Variants in ZFPM2 observed in about 807,000 individuals in gnomAD.
The protein encoded by ZFPM2 is zinc finger protein, FOG family member 2.
In ZFPM2, 20 loss-of-function variants were observed where a neutral mutation model predicts 98.6. The ratio of observed to expected loss-of-function variants is 0.20; its 90% CI spans 0.14 to 0.29. The LOEUF (loss-of-function observed/expected upper bound fraction) is 0.29. ZFPM2 is among the 10% of genes least tolerant of loss of function. ZFPM2 has a pLI of 1.00. For synonymous variants in ZFPM2, 518 were observed against 502.7 expected (o/e 1.03, Z -0.41); for missense variants, 1,310 against 1,388.6 (o/e 0.94, Z 0.90).
chr8:105,467,289 T>C (rs1812812545), intron 3 of ZFPM2, among the ~76,000 whole-genome samples: 1 of 152,098 alleles, frequency 6.6e-6, no homozygotes, highest in African/African-American at 2.4e-5. Context: ...AAGTACTTTA[T>C]GTCTCTGATC....
chr8:105,680,292 C>T (rs572718728), intron 5 of ZFPM2, among the ~76,000 whole-genome samples: 42 of 152,120 alleles, frequency 2.8e-4, no homozygotes, highest in Non-Finnish European at 4.9e-4. Context: ...ATTGAAAATG[C>T]CTACTACTGG....
intron 4 of ZFPM2, among the ~76,000 whole-genome samples, chr8:105,621,597 ATG>A (rs1388000411): frequency 2.6e-5 from 4 of 152,136 alleles, no homozygotes; most frequent in Admixed American, 6.6e-5. Context: ...GACCTCAAAT[ATG>A]TGTTGCACTT....
rs1467116502 is a variant in ZFPM2 at position 105,347,274 on chromosome 8, C to G, written c.40+28293C>G. Among the ~76,000 whole-genome samples, 6 of 152,098 alleles carry G rather than the reference C, an allele frequency of 3.9e-5. No individual in the cohort carries two copies. In the Middle Eastern group the frequency reaches 0.01, roughly 259 times the overall value. On this transcript the variant is annotated intron_variant, in intron 1 of 7. Transcript: ENST00000407775. ...CAATTTACTGATTGCAAATTAAAAG[C>G]CTATATGAAACATAAAACTTCCAGT... is the stretch of plus-strand genomic sequence containing the variant.
At chr8:105,743,217 G>A (rs1812262424) in intron 5 of ZFPM2, among the ~76,000 whole-genome samples, 1 of 152,012 alleles carries the variant, frequency 6.6e-6, no homozygotes. Flanking sequence ...GGGCATAGAG[G>A]AAGGTGAAGA....
At chr8:105,671,509 TTTC>T (rs1817594074) in intron 5 of ZFPM2, among the ~76,000 whole-genome samples, 2 of 150,948 alleles carry the variant, frequency 1.3e-5, no homozygotes, top group African/African-American at 4.9e-5. Flanking sequence ...AATTTTTAAT[TTTC>T]TTTACTGAAA....
rs1563661112 is a variant in ZFPM2 at position 105,443,321 on chromosome 8, AAAAAC to A, written c.200-954_200-950del. Among the ~76,000 whole-genome samples the A allele has an allele frequency of 1.0e-4, 15 of 147,874 alleles. 3 individuals are homozygous for A. Among genetic ancestry groups the A allele is most frequent in the African/African-American group, 3.1e-4 (12 of 38,744 alleles). ...GAGTAAGACTCCTTCTCAAAAAACA[AAAAAC>A]AAAAAAAAAAAAACTTGGCATTATT... On this transcript the variant is annotated intron_variant, in intron 2 of 7. Transcript: ENST00000407775.
At chr8:105,629,439 T>C (rs80282434) in intron 4 of ZFPM2, among the ~76,000 whole-genome samples, 9,317 of 152,304 alleles carry the variant, frequency 0.061, 307 homozygotes, top group Admixed American at 0.094. Context: ...AATTTAGTTA[T>C]TTTTGTTTTA....
At chr8:105,495,616 T>C (rs907477482) in intron 3 of ZFPM2, among the ~76,000 whole-genome samples, 29 of 152,330 alleles carry the variant, frequency 1.9e-4, no homozygotes, top group Admixed American at 1.9e-3. Context: ...TCTTCCTCCT[T>C]TTAAGGATAT....
At chr8:105,528,769 T>C (rs767823941) in intron 3 of ZFPM2, 1 of 152,140 alleles carries the variant, frequency 6.6e-6, no homozygotes, top group Admixed American at 6.5e-5. Context: ...TGTGGAAATA[T>C]AGGAAGAAGT....
At chr8:105,319,098 A>T in intron 1 of ZFPM2, 117 bp downstream of exon 1, 1 of 1,238,028 alleles carries the variant, frequency 8.1e-7, no homozygotes. Flanking sequence ...CCGGTCCCCT[A>T]GATGTCTCAA....
At chr8:105,609,511 T>C (rs1448244588) in intron 4 of ZFPM2, among the ~76,000 whole-genome samples, 1 of 152,202 alleles carries the variant, frequency 6.6e-6, no homozygotes, top group East Asian at 1.9e-4. Context: ...AATTGTATTA[T>C]ACAAGTTAGT....
chr8:105,514,494 G>A (rs1251895590), intron 3 of ZFPM2, among the ~76,000 whole-genome samples: 5 of 152,020 alleles, frequency 3.3e-5, no homozygotes, highest in Admixed American at 6.6e-5. Context: ...AGTATATTGC[G>A]ACTGAATGGA....
chr8:105,356,384 A>G (rs1812746785), intron 1 of ZFPM2, among the ~76,000 whole-genome samples: 1 of 152,244 alleles, frequency 6.6e-6, no homozygotes. Flanking sequence ...CTAATTAAAT[A>G]TTAATAAATG....
At chr8:105,351,666 G>A (rs936877954) in intron 1 of ZFPM2, among the ~76,000 whole-genome samples, 1 of 152,040 alleles carries the variant, frequency 6.6e-6, no homozygotes, top group African/African-American at 2.4e-5. Flanking sequence ...ACTAAATTTG[G>A]TTTACAGATA....
At chr8:105,793,272 G>T (rs1231958483) in intron 6 of ZFPM2, among the ~76,000 whole-genome samples, 1 of 151,976 alleles carries the variant, frequency 6.6e-6, no homozygotes, top group Non-Finnish European at 1.5e-5. Context: ...CTGTTTTAGG[G>T]CAGGCCTGGT....
chr8:105,403,071 G>A (rs1486336731), intron 1 of ZFPM2, among the ~76,000 whole-genome samples: 2 of 151,684 alleles, frequency 1.3e-5, no homozygotes, highest in Non-Finnish European at 2.9e-5. Flanking sequence ...GTAGACTGGG[G>A]GATAGAAAGA....
At chr8:105,496,874 T>A (rs1813479175) in intron 3 of ZFPM2, among the ~76,000 whole-genome samples, 1 of 143,614 alleles carries the variant, frequency 7.0e-6, no homozygotes. Context: ...CCCAGCTACT[T>A]GGGAGGCTGA....
chr8:105,802,680 A>G lies in ZFPM2; in HGVS notation c.2598A>G (p.Val866=), dbSNP rs749962231. The change falls in exon 8 of 8, where the codon GTA becomes GTG. Residue 866 remains valine, a synonymous_variant. Transcript: ENST00000407775. ...TGTGCAAGATCAGTTTCAATAAGGT[A>G]GAAAACTATCTGGCCCACAAGCAGA... is the stretch of plus-strand genomic sequence containing the variant. ...CTVCKISFNK[V]ENYLAHKQNF... is the part of the protein sequence containing the mutation. 5 of 1,611,234 alleles carry G rather than the reference A, an allele frequency of 3.1e-6. No homozygotes were observed. Among genetic ancestry groups the G allele is most frequent in the Non-Finnish European group, 3.4e-6 (4 of 1,178,640 alleles).
chr8:105,654,575 CTTT>C (rs59285951), intron 5 of ZFPM2, among the ~76,000 whole-genome samples: 1 of 150,032 alleles, frequency 6.7e-6, no homozygotes, highest in African/African-American at 2.4e-5. Flanking sequence ...TTTTTCTATC[CTTT>C]TTTTTTTTAA....
Sources: allele counts gnomAD v4.1 joint callset (sites outside exome capture counted in the v4.1 genomes callset), GRCh38; gene constraint gnomAD v4.1.1; transcripts MANE v1.5; gene names NCBI Gene and HGNC (gene_info 2026-07-23, HGNC 2026-07-21).